Variants in VAV1 observed in about 807,000 individuals in gnomAD.
The protein encoded by VAV1 is vav guanine nucleotide exchange factor 1.
In VAV1, 33 loss-of-function variants were observed where a neutral mutation model predicts 128.1. The ratio of observed to expected loss-of-function variants is 0.26; its 90% CI spans 0.20 to 0.34. The LOEUF is 0.34. Among genes scored for constraint, VAV1 ranks in the 10% least tolerant of loss-of-function variants. The probability of loss-of-function intolerance (pLI) is 1.00; values close to 1 mark genes in which losing one functional copy is unlikely to be tolerated. For synonymous variants in VAV1, 394 were observed against 409.8 expected (o/e 0.96, Z 0.47); for missense variants, 715 against 1,093.7 (o/e 0.65, Z 4.88).
intron 1 of VAV1, among the ~76,000 whole-genome samples, chr19:6,818,657 G>A (rs1971714329): frequency 6.6e-6 from 1 of 152,170 alleles, no homozygotes; most frequent in Non-Finnish European, 1.5e-5. Context: ...AGTTCAGTTA[G>A]AATGAGGTCA....
chr19:6,850,711 A>C lies in VAV1; in HGVS notation c.2171A>C (p.Glu724Ala). Residue 724 changes from glutamate (E) to alanine (A), a missense_variant, in exon 24 of 27, where the codon GAA becomes GCA. Physicochemically the swap from Glu to Ala is moderately radical, Grantham distance 107. Coordinates refer to ENST00000602142, the MANE Select transcript of VAV1 (RefSeq NM_005428.4). ...AAGCACATTAAAATCATGACAGCAG[A>C]AGGACTGTACCGGATCACAGAGAAA... Reference protein sequence around the residue: ...EVKHIKIMTAEGLYRITEKKA... With the variant: ...EVKHIKIMTAAGLYRITEKKA... 2 of 1,613,964 alleles carry C rather than the reference A, an allele frequency of 1.2e-6. No homozygotes were observed. The highest frequency in any genetic ancestry group is 1.6e-4 in the Middle Eastern group (1 of 6,062).
At chr19:6,840,564 G>T (rs1036554557) in intron 21 of VAV1, among the ~76,000 whole-genome samples, 1 of 151,988 alleles carries the variant, frequency 6.6e-6, no homozygotes, top group African/African-American at 2.4e-5. Flanking sequence ...TTCCCAAAGT[G>T]CTGGGATTAC....
chr19:6,815,514 A>G (rs2144757918), intron 1 of VAV1, among the ~76,000 whole-genome samples: 1 of 152,324 alleles, frequency 6.6e-6, no homozygotes, highest in African/African-American at 2.4e-5. Flanking sequence ...CTTAAACACA[A>G]AAGAGTTAAA....
chr19:6,812,709 C>T (rs1971539956), intron 1 of VAV1, among the ~76,000 whole-genome samples: 1 of 152,016 alleles, frequency 6.6e-6, no homozygotes, highest in South Asian at 2.1e-4. Flanking sequence ...TTGGTGAATG[C>T]TCTTGGTTTC....
chr19:6,853,121 C>A, intron 25 of VAV1, 42 bp downstream of exon 25: 1 of 1,585,958 alleles, frequency 6.3e-7, no homozygotes, highest in African/African-American at 1.3e-5. Flanking sequence ...TCAGCCCCTT[C>A]CCATTGTGGA....
In VAV1 at chr19:6,853,144, G is replaced by A. The variant is rs12104195; in HGVS notation, c.2332+65G>A. 7.2e-3 allele frequency: 10,661 copies of A among 1,479,636 alleles called. 661 individuals carry two copies. The African/African-American group carries it at 0.13, about 18-fold the overall frequency. 91.7% of individuals were successfully genotyped at this position (1,479,636 alleles called of 1,614,324 possible). A position where few individuals can be genotyped will look rare whatever the true frequency, so the allele number is the denominator to read the frequency against. Reference sequence around the variant, plus strand: ...TTCCCATTGTGGAGGGAAACTTTGGGGATGCCATTGACACCCCTTCCAATG... The same window carrying A: ...TTCCCATTGTGGAGGGAAACTTTGGAGATGCCATTGACACCCCTTCCAATG... On this transcript the variant is annotated intron_variant, in intron 25 of 26. Transcript: ENST00000602142.
intron 1 of VAV1, among the ~76,000 whole-genome samples, chr19:6,793,641 A>G (rs191342498): frequency 1.2e-4 from 18 of 152,266 alleles, no homozygotes; most frequent in Admixed American, 1.0e-3. Flanking sequence ...CACAGCCTAT[A>G]ATTTGTATGA....
At chr19:6,853,817 C>A (rs2144835057) in intron 25 of VAV1, 130 bp from the exon 26 acceptor site, 2 of 1,189,416 alleles carry the variant, frequency 1.7e-6, no homozygotes, top group Non-Finnish European at 2.4e-6. Flanking sequence ...TACAGGGCAT[C>A]TAATACTCTG....
chr19:6,833,830 G>C, intron 18 of VAV1, 78 bp from the exon 19 acceptor site: 1 of 1,613,548 alleles, frequency 6.2e-7, no homozygotes, highest in South Asian at 1.1e-5. Flanking sequence ...GATCCTTTGT[G>C]GGGTGAGGAG....
At chr19:6,805,310 A>T (rs1035048647) in intron 1 of VAV1, among the ~76,000 whole-genome samples, 10 of 151,924 alleles carry the variant, frequency 6.6e-5, no homozygotes, top group African/African-American at 2.4e-4. Context: ...CTGTGATCCC[A>T]GCTACTCAGG....
chr19:6,789,753 A>T (rs1414478683), intron 1 of VAV1, among the ~76,000 whole-genome samples: 2 of 151,938 alleles, frequency 1.3e-5, no homozygotes, highest in African/African-American at 4.8e-5. Flanking sequence ...ATGTGCCACC[A>T]TATCCGGCTA....
intron 22 of VAV1, 44 bp downstream of exon 22, chr19:6,843,210 G>A (rs369347874): frequency 2.2e-4 from 357 of 1,612,500 alleles, no homozygotes; most frequent in Non-Finnish European, 2.9e-4. Context: ...AGGTTTCTGG[G>A]TTGGGGTTCC....
At chr19:6,856,445 G>A (rs1972803305) in intron 26 of VAV1, among the ~76,000 whole-genome samples, 1 of 152,126 alleles carries the variant, frequency 6.6e-6, no homozygotes, top group Non-Finnish European at 1.5e-5. Flanking sequence ...AAGGGGTCCA[G>A]GCACGGTGGC....
Position 6,829,885 on chromosome 19 carries a change from G to A in VAV1, c.1365G>A (p.Arg455=), listed in dbSNP as rs1267462734. Residue 455 remains arginine (R), a synonymous_variant, in exon 14 of 27, where the codon CGG becomes CGA. Coordinates refer to ENST00000602142, the MANE Select transcript of VAV1 (RefSeq NM_005428.4). ...TAAACCTGCACAGCTTCCAGGTTCG[G>A]GATGACTCTTCAGGAGACCGAGACA... ...DFVNLHSFQV[R]DDSSGDRDNK... 2.5e-6 allele frequency: 4 copies of A among 1,614,044 alleles called. No homozygotes were observed. In the African/African-American group the frequency reaches 4.0e-5, roughly 16 times the overall value.
Position 6,848,068 on chromosome 19 carries a change from G to T in VAV1, c.2083G>T (p.Val695Leu). ...CAACCGCTCGGACGGGACTTTCTTG[G>T]TGCGGCAGAGGGTGAAGGATGCAGC... Reference protein sequence around the residue: ...LANRSDGTFLVRQRVKDAAEF... With the variant: ...LANRSDGTFLLRQRVKDAAEF... The change falls in exon 23 of 27, where the codon GTG becomes TTG. Residue 695 changes from valine (V) to leucine (L), a missense_variant. By Grantham distance (32) the Val-to-Leu change is conservative (BLOSUM62 1). This residue lies in a region of VAV1 where 407 missense variants were observed against 580.6 expected (regional missense o/e 0.70). Transcript: ENST00000602142. The T allele has an allele frequency of 1.3e-6, 2 of 1,552,332 alleles. No homozygotes were observed. The highest frequency in any genetic ancestry group is 2.4e-5 in the South Asian group (2 of 82,688).
Position 6,829,817 on chromosome 19 carries a change from A to G in VAV1, c.1297A>G (p.Ile433Val), listed in dbSNP as rs768075621. 6.2e-7 allele frequency: 1 copy of G among 1,614,158 alleles called. No individual in the cohort carries two copies. The highest frequency in any genetic ancestry group is 1.7e-5 in the Admixed American group (1 of 60,018). ...CTTCCTGCTCGACAAAGCTCTACTC[A>G]TCTGTAAGCGCAGGGGAGACTCCTA... ...YAFLLDKALLICKRRGDSYDL... is the reference protein window; with the variant it reads ...YAFLLDKALLVCKRRGDSYDL... The change falls in exon 14 of 27, where the codon ATC (isoleucine) becomes GTC (valine). Residue 433 changes from isoleucine to valine, a missense_variant. Transcript: ENST00000602142.
chr19:6,786,367 T>C (rs138966618), intron 1 of VAV1, among the ~76,000 whole-genome samples: 1,752 of 152,198 alleles, frequency 0.012, 36 homozygotes, highest in African/African-American at 0.039. Flanking sequence ...GAGGCTGAGA[T>C]GGGAGGATCG....
At chr19:6,817,837 C>T (rs1349741849) in intron 1 of VAV1, among the ~76,000 whole-genome samples, 2 of 152,166 alleles carry the variant, frequency 1.3e-5, no homozygotes, top group Non-Finnish European at 2.9e-5. Context: ...CAGGCACCCG[C>T]CACCTTGCCT....
intron 22 of VAV1, among the ~76,000 whole-genome samples, chr19:6,845,943 T>C (rs1007307596): frequency 6.7e-6 from 1 of 148,718 alleles, no homozygotes; most frequent in African/African-American, 2.4e-5. Flanking sequence ...ATTATTTATA[T>C]TGCACATTTA....
Sources: allele counts gnomAD v4.1 joint callset (sites outside exome capture counted in the v4.1 genomes callset), GRCh38; gene constraint gnomAD v4.1.1; regional missense constraint gnomAD v4.1.1; transcripts MANE v1.5; gene names NCBI Gene and HGNC (gene_info 2026-07-23, HGNC 2026-07-21).